The following CHST8 variants were observed in gnomAD, a reference collection of about 807,000 sequenced individuals.
CHST8 encodes GALNAC-4-ST1.
In CHST8, 10 loss-of-function variants were observed where a neutral mutation model predicts 15.0. The ratio of observed to expected loss-of-function variants is 0.67; its 90% CI spans 0.41 to 1.13. The LOEUF is 1.13. Among genes scored for constraint, CHST8 ranks in the 50% most tolerant of loss-of-function variants. The probability of loss-of-function intolerance (pLI) is 0.00; values close to 1 mark genes in which losing one functional copy is unlikely to be tolerated. For synonymous variants in CHST8, 259 were observed against 256.6 expected (o/e 1.01, Z -0.09); for missense variants, 634 against 608.2 (o/e 1.04, Z -0.45).
At position 33,772,560 on chromosome 19, in the gene CHST8, C is replaced by T. The variant is rs759186157; in HGVS notation, c.772C>T (p.Arg258Cys). 1.9e-6 allele frequency: 3 copies of T among 1,614,094 alleles called. No individual in the cohort carries two copies. Among genetic ancestry groups the T allele is most frequent in the East Asian group, 2.2e-5 (1 of 44,868 alleles). ...CACCTACACCAAGATGCTCTTTGTC[C>T]GCGAGCCCTTCGAGAGGCTGGTGTC... Reference protein sequence around the residue: ...LSTYTKMLFVREPFERLVSAF... With the variant: ...LSTYTKMLFVCEPFERLVSAF... The change falls in exon 5 of 5, where the codon CGC becomes TGC. Residue 258 changes from arginine (R) to cysteine (C), a missense_variant. Transcript: ENST00000650847.
At chr19:33,632,879 C>T (rs1413648640) in intron 1 of CHST8, among the ~76,000 whole-genome samples, 1 of 152,160 alleles carries the variant, frequency 6.6e-6, no homozygotes, top group South Asian at 2.1e-4. Flanking sequence ...AGTGATCCTC[C>T]TGCCTCAGCC....
At chr19:33,742,926 G>A (rs911977884) in intron 3 of CHST8, among the ~76,000 whole-genome samples, 3 of 152,100 alleles carry the variant, frequency 2.0e-5, no homozygotes, top group Non-Finnish European at 4.4e-5. Flanking sequence ...CATCAGTCTC[G>A]GGGTGTCCAG....
At chr19:33,622,458 G>A (rs1971997099) in intron 1 of CHST8, among the ~76,000 whole-genome samples, 162 bp downstream of exon 1, 1 of 152,222 alleles carries the variant, frequency 6.6e-6, no homozygotes, top group South Asian at 2.1e-4. Flanking sequence ...GGAGGTGGGC[G>A]CGCGGGGCTC....
At chr19:33,673,409 G>A (rs933946476) in intron 2 of CHST8, among the ~76,000 whole-genome samples, 2 of 152,232 alleles carry the variant, frequency 1.3e-5, no homozygotes, top group African/African-American at 4.8e-5. Flanking sequence ...GACCTAAGGT[G>A]GGAGCCAGGG....
chr19:33,661,251 C>A (rs1356540513), intron 1 of CHST8, among the ~76,000 whole-genome samples: 1 of 152,180 alleles, frequency 6.6e-6, no homozygotes, highest in Admixed American at 6.5e-5. Flanking sequence ...AGAAGGAGAG[C>A]AGGTTACGGA....
chr19:33,758,457 G>A (rs1172370194), intron 3 of CHST8, among the ~76,000 whole-genome samples: 2 of 152,232 alleles, frequency 1.3e-5, no homozygotes, highest in Non-Finnish European at 2.9e-5. Context: ...GGCCAGAGCG[G>A]CCTGCAGTGG....
intron 2 of CHST8, 61 bp from the exon 3 acceptor site, chr19:33,689,115 G>T (rs2145256676): frequency 1.1e-6 from 1 of 893,700 alleles, no homozygotes; most frequent in Non-Finnish European, 1.6e-6. Flanking sequence ...CAGTGAGCAG[G>T]GCCTACACCT....
chr19:33,700,211 C>T (rs569874920), intron 3 of CHST8, among the ~76,000 whole-genome samples: 4 of 152,308 alleles, frequency 2.6e-5, no homozygotes, highest in African/African-American at 7.2e-5. Flanking sequence ...CATTTTCTAA[C>T]GGCATTGCGG....
chr19:33,748,705 G>C (rs186934798), intron 3 of CHST8, among the ~76,000 whole-genome samples: 204 of 152,300 alleles, frequency 1.3e-3, no homozygotes, highest in African/African-American at 4.8e-3. Context: ...AGTAAGCCCT[G>C]ATTTCCCATT....
At chr19:33,717,884 CT>C (rs1380689510) in intron 3 of CHST8, among the ~76,000 whole-genome samples, 2 of 152,198 alleles carry the variant, frequency 1.3e-5, no homozygotes, top group African/African-American at 4.8e-5. Flanking sequence ...TTAATTACCT[CT>C]GCAAAGACTC....
At chr19:33,686,736 G>A (rs1055789533) in intron 2 of CHST8, among the ~76,000 whole-genome samples, 1 of 152,168 alleles carries the variant, frequency 6.6e-6, no homozygotes, top group Non-Finnish European at 1.5e-5. Context: ...TGCAGGAAGC[G>A]CACCCACACC....
intron 3 of CHST8, among the ~76,000 whole-genome samples, chr19:33,743,477 AT>A (rs1329367522): frequency 6.6e-6 from 1 of 150,868 alleles, no homozygotes; most frequent in Admixed American, 6.6e-5. Flanking sequence ...AATTTTTTCT[AT>A]TTTTAGTAGA....
intron 2 of CHST8, among the ~76,000 whole-genome samples, chr19:33,677,753 C>A (rs189451485): frequency 3.9e-5 from 6 of 152,304 alleles, no homozygotes; most frequent in Non-Finnish European, 7.4e-5. Context: ...TCCCACAGTC[C>A]CCTCTGTCAG....
chr19:33,725,606 G>A (rs960553051), intron 3 of CHST8, among the ~76,000 whole-genome samples: 3 of 152,128 alleles, frequency 2.0e-5, no homozygotes, highest in African/African-American at 4.8e-5. Flanking sequence ...CGACGCAAGC[G>A]AAAGATACTC....
intron 2 of CHST8, among the ~76,000 whole-genome samples, chr19:33,670,619 C>G (rs1290380974): frequency 6.6e-6 from 1 of 152,176 alleles, no homozygotes; most frequent in Non-Finnish European, 1.5e-5. Context: ...AAGCCCTTTC[C>G]AGGAGCGTCA....
intron 1 of CHST8, among the ~76,000 whole-genome samples, chr19:33,632,744 TC>T (rs1468061945): frequency 1.6e-5 from 2 of 127,966 alleles, no homozygotes; most frequent in African/African-American, 5.7e-5. Flanking sequence ...GGATTGGTTT[TC>T]CTTGTGTGTG....
At chr19:33,634,307 C>G (rs1412481252) in intron 1 of CHST8, among the ~76,000 whole-genome samples, 8 of 152,212 alleles carry the variant, frequency 5.3e-5, no homozygotes, top group Admixed American at 5.2e-4. Context: ...AATTTTATTT[C>G]TCAGATGACG....
intron 1 of CHST8, among the ~76,000 whole-genome samples, chr19:33,641,723 A>G (rs1364248853): frequency 9.7e-6 from 1 of 102,632 alleles, no homozygotes; most frequent in Non-Finnish European, 1.9e-5. Context: ...AAGGAGGGGT[A>G]TGGTCTGGGA....
chr19:33,751,816 C>T (rs1974426931), intron 3 of CHST8, among the ~76,000 whole-genome samples: 1 of 152,228 alleles, frequency 6.6e-6, no homozygotes, highest in Non-Finnish European at 1.5e-5. Context: ...GCTGAAGCCC[C>T]CACGGGAGCG....
Sources: allele counts gnomAD v4.1 joint callset (sites outside exome capture counted in the v4.1 genomes callset), GRCh38; gene constraint gnomAD v4.1.1; transcripts MANE v1.5; gene names NCBI Gene and HGNC (gene_info 2026-07-23, HGNC 2026-07-21).